Variants in AFF1 observed in about 807,000 individuals in gnomAD.
AFF1 encodes ALF transcription elongation factor 1.
AFF1 carries 48 observed loss-of-function variants against 121.7 expected under a neutral mutation model. The ratio of observed to expected loss-of-function variants is 0.39; its 90% CI spans 0.31 to 0.50. The LOEUF is 0.50. Ranked by LOEUF, AFF1 falls within the 20% of genes least tolerant of loss-of-function variation. AFF1 has a pLI of 0.76. For missense variants in AFF1, 1,523 were observed against 1,511.7 expected, an observed-to-expected ratio of 1.01 and a Z score of -0.12; for synonymous variants, 613 against 563.0, an observed-to-expected ratio of 1.09 and a Z score of -1.26.
At chr4:87,046,562 A>C (rs1451942486) in intron 3 of AFF1, 133 bp from the exon 4 acceptor site, 2 of 1,048,140 alleles carry the variant, frequency 1.9e-6, no homozygotes, top group East Asian at 5.0e-5. Flanking sequence ...AATTGAGTTA[A>C]AATGGCACAT....
At chr4:87,019,887 G>GGC (rs1553918045) in intron 2 of AFF1, among the ~76,000 whole-genome samples, 7 of 138,684 alleles carry the variant, frequency 5.0e-5, no homozygotes, top group African/African-American at 8.1e-5. Context: ...AAGGGGTCGG[G>GGC]GGGGGGCAGT....
In AFF1 at chr4:87,115,609, CT is replaced by C. The variant is rs71660115; in HGVS notation, c.2466+326del. ...ATCTAGGGCCGCCCCCAACCCACCT[CT>C]TTTTTTTTTTTTTTTCCAAAGACAG... On this transcript the variant is annotated intron_variant, in intron 12 of 20. Coordinates refer to ENST00000395146, the MANE Select transcript of AFF1 (RefSeq NM_001166693.3). 1.5e-3 allele frequency among the ~76,000 whole-genome samples: 62 copies of C among 40,662 alleles called. 3 individuals carry two copies. In the East Asian group the frequency reaches 0.035, roughly 23 times the overall value. 26.7% of individuals were successfully genotyped at this position (40,662 alleles called of 152,430 possible). A position where few individuals can be genotyped will look rare whatever the true frequency, so the allele number is the denominator to read the frequency against.
intron 2 of AFF1, among the ~76,000 whole-genome samples, chr4:87,000,654 G>C (rs888046698): frequency 7.5e-6 from 1 of 133,606 alleles, no homozygotes; most frequent in Non-Finnish European, 1.7e-5. Context: ...AGAGGAAGTG[G>C]GGGAACTTGA....
chr4:86,994,513 T>C (rs767260814), intron 2 of AFF1, among the ~76,000 whole-genome samples: 2 of 152,220 alleles, frequency 1.3e-5, no homozygotes, highest in Non-Finnish European at 2.9e-5. Context: ...AAGGAAATCT[T>C]AGCAGCTGCA....
At chr4:87,041,497 T>G (rs1445616421) in intron 2 of AFF1, among the ~76,000 whole-genome samples, 1 of 152,196 alleles carries the variant, frequency 6.6e-6, no homozygotes, top group Non-Finnish European at 1.5e-5. Context: ...GATCTGTGTT[T>G]TGACAAACCC....
intron 2 of AFF1, among the ~76,000 whole-genome samples, chr4:87,026,618 C>T (rs1162688016): frequency 3.3e-5 from 5 of 152,154 alleles, no homozygotes; most frequent in Non-Finnish European, 5.9e-5. Flanking sequence ...TAGTAGGGAA[C>T]TGAGGCCAGA....
intron 2 of AFF1, among the ~76,000 whole-genome samples, chr4:87,008,012 G>A (rs1244826161): frequency 6.6e-6 from 1 of 152,154 alleles, no homozygotes; most frequent in Non-Finnish European, 1.5e-5. Flanking sequence ...TGCTGTCAGA[G>A]GAGCGCTATT....
chr4:87,004,237 G>C (rs59830245), intron 2 of AFF1, among the ~76,000 whole-genome samples: 1 of 152,194 alleles, frequency 6.6e-6, no homozygotes, highest in Admixed American at 6.5e-5. Context: ...TTAAAAGAAG[G>C]CTCGATGAGT....
intron 10 of AFF1, among the ~76,000 whole-genome samples, chr4:87,106,427 G>A (rs1725917565): frequency 6.6e-6 from 1 of 152,132 alleles, no homozygotes; most frequent in African/African-American, 2.4e-5. Context: ...TTTATCATCA[G>A]TATTAGGTAA....
intron 1 of AFF1, among the ~76,000 whole-genome samples, chr4:86,942,308 A>G (rs1578813528): frequency 6.6e-6 from 1 of 152,356 alleles, no homozygotes; most frequent in Admixed American, 6.5e-5. Context: ...ACCAATATCC[A>G]TGTGCTTTTC....
chr4:86,990,614 G>T (rs924666144), intron 2 of AFF1, among the ~76,000 whole-genome samples: 1 of 152,142 alleles, frequency 6.6e-6, no homozygotes, highest in Non-Finnish European at 1.5e-5. Context: ...AGTGAAAGGA[G>T]TATCTTGTAG....
intron 2 of AFF1, among the ~76,000 whole-genome samples, chr4:87,043,898 A>AGCCTCC (rs1234814165): frequency 1.3e-5 from 2 of 151,924 alleles, no homozygotes; most frequent in East Asian, 1.9e-4. Flanking sequence ...AGCTCACTGC[A>AGCCTCC]GCCTCCGCCT....
intron 7 of AFF1, among the ~76,000 whole-genome samples, chr4:87,092,258 G>C (rs2149718109): frequency 6.6e-6 from 1 of 152,288 alleles, no homozygotes; most frequent in South Asian, 2.1e-4. Context: ...ACTCCAGCCT[G>C]GGAGACAGCA....
At chr4:87,084,091 A>T in intron 4 of AFF1, 29 bp from the exon 5 acceptor site, 1 of 1,612,646 alleles carries the variant, frequency 6.2e-7, no homozygotes, top group Non-Finnish European at 8.5e-7. Context: ...TGGTTTGCTA[A>T]CCTTTTATTT....
chr4:87,051,812 T>C (rs906305881), intron 4 of AFF1, among the ~76,000 whole-genome samples: 1 of 152,088 alleles, frequency 6.6e-6, no homozygotes, highest in Admixed American at 6.5e-5. Context: ...TGCACTGTAG[T>C]AGGTTCTTGA....
intron 10 of AFF1, among the ~76,000 whole-genome samples, chr4:87,107,470 C>T (rs1242985087): frequency 6.6e-6 from 1 of 152,150 alleles, no homozygotes; most frequent in Non-Finnish European, 1.5e-5. Context: ...ATCCCTAAGC[C>T]ACTTACGAAG....
At position 87,114,578 on chromosome 4, in the gene AFF1, C is replaced by T; in HGVS notation, c.1745C>T (p.Pro582Leu). The change falls in exon 12 of 21, where the codon CCC (proline) becomes CTC (leucine). Residue 582 changes from proline to leucine, a missense_variant. Coordinates refer to ENST00000395146, the MANE Select transcript of AFF1 (RefSeq NM_001166693.3). The stretch of plus-strand genomic sequence containing the variant: ...TCCAGCAAAGCCCCCCGGGCCCCAC[C>T]CGAAGCCCCCCACCCCGGAAAGAGG... ...KSSSKAPRAP[P>L]EAPHPGKRSC... 6.4e-7 allele frequency: 1 copy of T among 1,565,176 alleles called. No homozygotes were observed. The highest frequency in any genetic ancestry group is 1.1e-5 in the South Asian group (1 of 89,588).
At chr4:87,109,285 A>G (rs995669608) in intron 11 of AFF1, among the ~76,000 whole-genome samples, 2 of 152,188 alleles carry the variant, frequency 1.3e-5, no homozygotes, top group African/African-American at 4.8e-5. Context: ...ATACATCTGG[A>G]GCTAATGTAG....
chr4:87,014,413 AAG>A (rs1727106256), intron 2 of AFF1, among the ~76,000 whole-genome samples: 1 of 152,178 alleles, frequency 6.6e-6, no homozygotes, highest in African/African-American at 2.4e-5. Flanking sequence ...TTTGTTTTTT[AAG>A]AAAAGCTTTG....
Sources: allele counts gnomAD v4.1 joint callset (sites outside exome capture counted in the v4.1 genomes callset), GRCh38; gene constraint gnomAD v4.1.1; transcripts MANE v1.5; gene names NCBI Gene and HGNC (gene_info 2026-07-23, HGNC 2026-07-21).